CADPS2: variants seen among roughly 807,000 people sequenced by gnomAD.
The protein encoded by CADPS2 is calcium-dependent secretion activator 2.
CADPS2 carries 93 observed loss-of-function variants against 172.5 expected under a neutral mutation model. The ratio of observed to expected loss-of-function variants is 0.54; its 90% CI spans 0.46 to 0.64. The LOEUF is 0.64. CADPS2 is among the 30% of genes least tolerant of loss of function. The probability of loss-of-function intolerance (pLI) is 0.00; values close to 1 mark genes in which losing one functional copy is unlikely to be tolerated. For synonymous variants in CADPS2, 546 were observed against 555.2 expected (o/e 0.98, Z 0.23); for missense variants, 1,420 against 1,565.9 (o/e 0.91, Z 1.57).
intron 4 of CADPS2, among the ~76,000 whole-genome samples, chr7:122,623,572 T>C (rs1303973524): frequency 6.6e-6 from 1 of 152,210 alleles, no homozygotes; most frequent in Admixed American, 6.6e-5. Context: ...GTTTGGTGAA[T>C]AATATAACCC....
chr7:122,345,412 A>C (rs2037426118), intron 28 of CADPS2, among the ~76,000 whole-genome samples, 162 bp downstream of exon 28: 1 of 152,140 alleles, frequency 6.6e-6, no homozygotes, highest in South Asian at 2.1e-4. Flanking sequence ...TTCTGGGATT[A>C]CAGGCATGAG....
intron 1 of CADPS2, among the ~76,000 whole-genome samples, chr7:122,773,670 C>A (rs757505224): frequency 2.0e-4 from 30 of 152,022 alleles, no homozygotes; most frequent in Non-Finnish European, 4.1e-4. Context: ...GTGCAGTGAA[C>A]AAGTATTGCT....
intron 8 of CADPS2, among the ~76,000 whole-genome samples, chr7:122,528,073 C>T (rs1370986179): frequency 5.1e-5 from 7 of 136,312 alleles, no homozygotes; most frequent in African/African-American, 2.0e-4. Context: ...TGAAAGGGGC[C>T]TTTGTAACTA....
chr7:122,760,883 A>G (rs2093357327), intron 1 of CADPS2, among the ~76,000 whole-genome samples: 1 of 151,822 alleles, frequency 6.6e-6, no homozygotes, highest in Non-Finnish European at 1.5e-5. Flanking sequence ...TACTGGGTGC[A>G]GCACACCAAC....
chr7:122,722,552 C>G (rs28871653), intron 2 of CADPS2, among the ~76,000 whole-genome samples: 21,159 of 150,974 alleles, frequency 0.14, 1,560 homozygotes, highest in Non-Finnish European at 0.16. Flanking sequence ...AGGACACAAA[C>G]AAATGGAAGA....
At chr7:122,812,424 A>G (rs760287779) in intron 1 of CADPS2, among the ~76,000 whole-genome samples, 2 of 144,752 alleles carry the variant, frequency 1.4e-5, no homozygotes, top group African/African-American at 2.8e-5. Flanking sequence ...AAAAAAAAAG[A>G]GAGAGAGAGA....
intron 7 of CADPS2, among the ~76,000 whole-genome samples, chr7:122,568,005 TAAAG>T (rs1182221615): frequency 1.3e-5 from 2 of 152,132 alleles, no homozygotes; most frequent in African/African-American, 4.8e-5. Context: ...GAATGGATAA[TAAAG>T]ACACAATTAT....
intron 22 of CADPS2, among the ~76,000 whole-genome samples, chr7:122,391,554 A>G (rs984856608): frequency 2.0e-5 from 3 of 152,114 alleles, no homozygotes; most frequent in African/African-American, 7.2e-5. Context: ...AAGGTTCATT[A>G]TAGTTTGTAG....
intron 8 of CADPS2, among the ~76,000 whole-genome samples, chr7:122,525,987 T>C (rs1162452924): frequency 6.6e-6 from 1 of 152,078 alleles, no homozygotes; most frequent in Non-Finnish European, 1.5e-5. Flanking sequence ...TGACAAAATA[T>C]CATTATGAGC....
Position 122,742,553 on chromosome 7 carries a change from G to A in CADPS2, c.340-5485C>T, listed in dbSNP as rs78084458. Among the ~76,000 whole-genome samples the A allele has an allele frequency of 7.1e-3, 1,075 of 152,178 alleles. 8 individuals are homozygous for A. The highest frequency in any genetic ancestry group is 0.02 in the Middle Eastern group (6 of 294). On this transcript the variant is annotated intron_variant, in intron 1 of 29. Transcript: ENST00000449022. ...GATCACCATTCTCTTAGGATAGTGT[G>A]GCCAACAGAGAGATAAGTGAGAGGG...
chr7:122,712,878 C>G (rs1341870266), intron 2 of CADPS2, among the ~76,000 whole-genome samples: 3 of 151,972 alleles, frequency 2.0e-5, no homozygotes, highest in Non-Finnish European at 1.5e-5. Context: ...AACACTAATT[C>G]TACTCATGTG....
At chr7:122,442,948 CATTAGCAA>C (rs1189894095) in intron 15 of CADPS2, among the ~76,000 whole-genome samples, 1 of 152,192 alleles carries the variant, frequency 6.6e-6, no homozygotes, top group Non-Finnish European at 1.5e-5. Flanking sequence ...CTTTTAAGAG[CATTAGCAA>C]ATTAGCAAAG....
At position 122,737,056 on chromosome 7, in the gene CADPS2, G is replaced by A; in HGVS notation, c.352C>T (p.Gln118Ter). ...ARRQQKLNKQQLQLLKERFQA... is the reference protein window; with the variant it reads ...ARRQQKLNKQ ...AACCGTTCTTTCAGTAACTGCAACT[G>A]TTGTTTGTTAAGCTACAAGAAAAAG... Residue 118 changes from glutamine to a stop codon, truncating the protein, a stop_gained, in exon 2 of 30, where the codon CAG becomes TAG. Coordinates refer to ENST00000449022, the MANE Select transcript of CADPS2 (RefSeq NM_017954.11). LOFTEE classifies it high-confidence loss of function. The A allele has an allele frequency of 6.3e-7, 1 of 1,592,532 alleles. No homozygotes were observed. Among genetic ancestry groups the A allele is most frequent in the Non-Finnish European group, 8.6e-7 (1 of 1,161,242 alleles).
intron 15 of CADPS2, among the ~76,000 whole-genome samples, chr7:122,445,360 CTTTAA>C (rs2052016533): frequency 6.6e-6 from 1 of 151,960 alleles, no homozygotes; most frequent in Admixed American, 6.6e-5. Context: ...TTTAGGTTTT[CTTTAA>C]TTTTTCTCAG....
intron 1 of CADPS2, among the ~76,000 whole-genome samples, chr7:122,822,311 A>T (rs1056325690): frequency 2.0e-5 from 3 of 152,164 alleles, no homozygotes; most frequent in Non-Finnish European, 4.4e-5. Context: ...GGCCATCACC[A>T]ATCATTCTAT....
intron 2 of CADPS2, among the ~76,000 whole-genome samples, chr7:122,705,621 ATAT>A (rs2086927960): frequency 9.3e-6 from 1 of 106,976 alleles, no homozygotes; most frequent in South Asian, 2.4e-4. Context: ...ACATTTATAT[ATAT>A]TATATATGAT....
At chr7:122,734,387 G>GAAAAAAAAA (rs768675808) in intron 2 of CADPS2, among the ~76,000 whole-genome samples, 2 of 90,800 alleles carry the variant, frequency 2.2e-5, no homozygotes, top group African/African-American at 4.0e-5. Context: ...AAAAAAAAAA[G>GAAAAAAAAA]AAAAAAAAAA....
chr7:122,348,517 CCTTT>C lies in CADPS2; in HGVS notation c.3505-2840_3505-2837del, dbSNP rs558737756. ...GATTGTTGTAAAAAATCAAGTGTTT[CCTTT>C]TTTTAAAAAAATTGCATTTTCTTCC... On this transcript the variant is annotated intron_variant, in intron 27 of 29. Transcript: ENST00000449022. Among the ~76,000 whole-genome samples the C allele has an allele frequency of 4.6e-5, 7 of 152,206 alleles. No individual in the cohort carries two copies. The East Asian group carries it at 1.2e-3, about 25-fold the overall frequency.
intron 3 of CADPS2, among the ~76,000 whole-genome samples, chr7:122,632,140 A>G (rs2076635324): frequency 6.6e-6 from 1 of 152,162 alleles, no homozygotes; most frequent in Non-Finnish European, 1.5e-5. Flanking sequence ...GGTCTTTGCT[A>G]TTGTCATTAG....
Sources: gnomAD v4.1 joint callset for allele counts (sites outside exome capture counted in the v4.1 genomes callset) on GRCh38, gnomAD v4.1.1 for gene constraint, MANE v1.5 for transcripts, NCBI Gene and HGNC (gene_info 2026-07-23, HGNC 2026-07-21) for gene names.